The following OR52B4 variants were observed in gnomAD, a reference collection of about 807,000 sequenced individuals.
OR52B4 encodes olfactory receptor 52B4.
For synonymous variants in OR52B4, 182 were observed against 142.3 expected (o/e 1.28, Z -1.98); for missense variants, 450 against 387.0 (o/e 1.16, Z -1.36).
At position 4,367,476 on chromosome 11, in the gene OR52B4, T is replaced by C; in HGVS notation, c.820A>G (p.Ile274Val). ...QRFGRHIPPC[I>V]HIPLANVCIL... ...CAGACATTAGCCAACGGGATGTGGA[T>C]ACAAGGTGGAATGTGGCGTCCAAAC... The change falls in exon 1 of 1, where the codon ATC (isoleucine) becomes GTC (valine). Residue 274 changes from isoleucine to valine, a missense_variant. Ile to Val is a conservative substitution (Grantham distance 29). Coordinates refer to ENST00000624801, the MANE Select transcript of OR52B4 (RefSeq NM_001005161.3). The C allele has an allele frequency of 1.2e-6, 2 of 1,613,992 alleles. No homozygotes were observed. Among genetic ancestry groups the C allele is most frequent in the Non-Finnish European group, 1.7e-6 (2 of 1,179,896 alleles).
At position 4,367,644 on chromosome 11, in the gene OR52B4, TAAA is replaced by T; in HGVS notation, c.649_651del (p.Phe217del). The T allele has an allele frequency of 6.2e-7, 1 of 1,613,900 alleles. No individual in the cohort carries two copies. The highest frequency in any genetic ancestry group is 1.7e-4 in the Middle Eastern group (1 of 6,060). On this transcript the variant is annotated inframe_deletion, in exon 1 of 1. Transcript: ENST00000624801. ...GCATGGAGAATCAGCATATAGGAAA[TAAA>T]AATTAGTACAACATCTAAGACCACC... is the stretch of plus-strand genomic sequence containing the variant.
At position 4,368,086 on chromosome 11, in the gene OR52B4, T is replaced by G. The variant is rs767632850; in HGVS notation, c.210A>C (p.Gly70=). 5 of 1,613,812 alleles carry G rather than the reference T, an allele frequency of 3.1e-6. No individual in the cohort carries two copies. In the Admixed American group the frequency reaches 8.3e-5, roughly 27 times the overall value. Residue 70 remains glycine (G), a synonymous_variant, in exon 1 of 1, where the codon GGA becomes GGC. Coordinates refer to ENST00000624801, the MANE Select transcript of OR52B4 (RefSeq NM_001005161.3). ...TGCACGTGGAGAGGACAATGTCTGC[T>G]CCAGCCAGCATGCAGAGGAAGAGGT... is the stretch of plus-strand genomic sequence containing the variant. ...PMYLFLCMLA[G]ADIVLSTCTI... is the part of the protein sequence containing the mutation.
Position 4,367,383 on chromosome 11 carries a change from C to T in OR52B4, c.913G>A (p.Val305Met), listed in dbSNP as rs377397293. ...TGTTTTATAAACAAAAACTGAACCACCTGTTCCTGGATTTGCTTGGTTTTG... is the reference window on the plus strand; with the variant it reads ...TGTTTTATAAACAAAAACTGAACCATCTGTTCCTGGATTTGCTTGGTTTTG... Reference protein sequence around the residue: ...GIKTKQIQEQVVQFLFIKQK With the variant: ...GIKTKQIQEQMVQFLFIKQK The change falls in exon 1 of 1, where the codon GTG becomes ATG. Residue 305 changes from valine to methionine, a missense_variant. Val to Met is a conservative substitution (Grantham distance 21, BLOSUM62 1). Transcript: ENST00000624801. 32 of 1,607,868 alleles carry T rather than the reference C, an allele frequency of 2.0e-5. No individual in the cohort carries two copies. Among genetic ancestry groups the T allele is most frequent in the Non-Finnish European group, 2.7e-5 (32 of 1,175,554 alleles).
At position 4,367,697 on chromosome 11, in the gene OR52B4, T is replaced by C; in HGVS notation, c.599A>G (p.Tyr200Cys). The change falls in exon 1 of 1, where the codon TAT becomes TGT. Residue 200 changes from tyrosine (Y) to cysteine (C), a missense_variant. Transcript: ENST00000624801. The part of the protein sequence containing the change: ...ACNDIRINIW[Y>C]GFSILMSTVV... ...CGTCGACATTAGAATGGAAAACCCA[T>C]ACCAAATGTTTATTCGAATGTCATT... is the stretch of plus-strand genomic sequence containing the variant. 2 of 1,613,792 alleles carry C rather than the reference T, an allele frequency of 1.2e-6. No homozygotes were observed. The highest frequency in any genetic ancestry group is 1.7e-6 in the Non-Finnish European group (2 of 1,179,730).
rs372696504 is a variant in OR52B4 at position 4,368,255 on chromosome 11, A to G, written c.41T>C (p.Phe14Ser). The G allele has an allele frequency of 5.0e-6, 8 of 1,613,322 alleles. No homozygotes were observed. In the African/African-American group the frequency reaches 1.1e-4, roughly 22 times the overall value. The change falls in exon 1 of 1, where the codon TTC becomes TCC. Residue 14 changes from phenylalanine (F) to serine (S), a missense_variant. Transcript: ENST00000624801. ...TAGGCCAGGGATGCCCAGCAAGTGGAAGACTGTGTGGCTAGTGCCACTGTG... is the reference window on the plus strand; with the variant it reads ...TAGGCCAGGGATGCCCAGCAAGTGGGAGACTGTGTGGCTAGTGCCACTGTG... Reference protein sequence around the residue: ...VNHSGTSHTVFHLLGIPGLQD... With the variant: ...VNHSGTSHTVSHLLGIPGLQD...
At position 4,367,594 on chromosome 11, in the gene OR52B4, A is replaced by G; in HGVS notation, c.702T>C (p.Asp234=). ...ATGTGTTGAGAGCTTTGTGGCAAGCATCTGGAGAAGGCATGTGGAAGACAG... is the reference window on the plus strand; with the variant it reads ...ATGTGTTGAGAGCTTTGTGGCAAGCGTCTGGAGAAGGCATGTGGAAGACAG... ...LHAVFHMPSP[D]ACHKALNTFG... is the part of the protein sequence containing the mutation. The change falls in exon 1 of 1, where the codon GAT becomes GAC. Residue 234 remains aspartate (D), a synonymous_variant. Coordinates refer to ENST00000624801, the MANE Select transcript of OR52B4 (RefSeq NM_001005161.3). 1.2e-6 allele frequency: 2 copies of G among 1,614,100 alleles called. No homozygotes were observed. Among genetic ancestry groups the G allele is most frequent in the Non-Finnish European group, 1.7e-6 (2 of 1,179,992 alleles).
Position 4,368,350 on chromosome 11 carries a change from A to T in OR52B4, c.-55T>A. 1.1e-6 allele frequency: 1 copy of T among 913,316 alleles called. No homozygotes were observed. Among genetic ancestry groups the T allele is most frequent in the Non-Finnish European group, 1.7e-6 (1 of 587,068 alleles). 56.6% of individuals were successfully genotyped at this position (913,316 alleles called of 1,614,324 possible). On this transcript the variant is annotated 5_prime_UTR_variant, in exon 1 of 1. An upstream open reading frame in the 5' UTR gains an earlier in-frame stop. Coordinates refer to ENST00000624801, the MANE Select transcript of OR52B4 (RefSeq NM_001005161.3). ...CCTACTCACAGAGGTAGAAGAAGAT[A>T]AAATCTGCAACATTCTTTGCGATGT... is the stretch of plus-strand genomic sequence containing the variant.
chr11:4,368,149 G>C lies in OR52B4; in HGVS notation c.147C>G (p.Phe49Leu). 2 of 1,611,900 alleles carry C rather than the reference G, an allele frequency of 1.2e-6. No homozygotes were observed. The highest frequency in any genetic ancestry group is 1.7e-6 in the Non-Finnish European group (2 of 1,179,376). ...GGAGGCTGCGCTTTGTGAGGATAAT[G>C]AAGATGAGCAGGCTGTTCCCAAGAA... ...TALLGNSLLI[F>L]IILTKRSLHE... Residue 49 changes from phenylalanine (F) to leucine (L), a missense_variant, in exon 1 of 1, where the codon TTC (phenylalanine) becomes TTG (leucine). Transcript: ENST00000624801.
At position 4,367,719 on chromosome 11, in the gene OR52B4, C is replaced by T. The variant is rs1305618856; in HGVS notation, c.577G>A (p.Asp193Asn). The T allele has an allele frequency of 1.2e-6, 2 of 1,613,574 alleles. No individual in the cohort carries two copies. Among genetic ancestry groups the T allele is most frequent in the African/African-American group, 1.3e-5 (1 of 74,878 alleles). ...HIGLAKYACN[D>N]IRINIWYGFS... is the part of the protein sequence containing the mutation. The stretch of plus-strand genomic sequence containing the variant: ...CCATACCAAATGTTTATTCGAATGT[C>T]ATTACATGCATATTTGGCTAGGCCA... Residue 193 changes from aspartate (D) to asparagine (N), a missense_variant, in exon 1 of 1, where the codon GAC becomes AAC. By Grantham distance (23) the Asp-to-Asn change is conservative (BLOSUM62 1). Coordinates refer to ENST00000624801, the MANE Select transcript of OR52B4 (RefSeq NM_001005161.3).
In OR52B4 at chr11:4,368,270, G is replaced by C. The variant is rs2094937314; in HGVS notation, c.26C>G (p.Thr9Ser). ...CAGCAAGTGGAAGACTGTGTGGCTA[G>C]TGCCACTGTGGTTTACAGTAGGCAT... MPTVNHSGTSHTVFHLLGI... is the reference protein window; with the variant it reads MPTVNHSGSSHTVFHLLGI... Residue 9 changes from threonine (T) to serine (S), a missense_variant, in exon 1 of 1, where the codon ACT becomes AGT. Transcript: ENST00000624801. 6.2e-7 allele frequency: 1 copy of C among 1,610,688 alleles called. No individual in the cohort carries two copies. Among genetic ancestry groups the C allele is most frequent in the Non-Finnish European group, 8.5e-7 (1 of 1,177,554 alleles).
In OR52B4 at chr11:4,368,285, A is replaced by G; in HGVS notation, c.11T>C (p.Val4Ala). The stretch of plus-strand genomic sequence containing the variant: ...TGTGTGGCTAGTGCCACTGTGGTTT[A>G]CAGTAGGCATAGCTGGGGAGAACTT... MPT[V>A]NHSGTSHTVF... The change falls in exon 1 of 1, where the codon GTA (valine) becomes GCA (alanine). Residue 4 changes from valine to alanine, a missense_variant. Transcript: ENST00000624801. 6.2e-7 allele frequency: 1 copy of G among 1,604,086 alleles called. No homozygotes were observed. Among genetic ancestry groups the G allele is most frequent in the Non-Finnish European group, 8.5e-7 (1 of 1,172,376 alleles).
rs779701505 is a variant in OR52B4 at position 4,367,625 on chromosome 11, A to G, written c.671T>C (p.Leu224Pro). Residue 224 changes from leucine to proline, a missense_variant, in exon 1 of 1, where the codon CTC becomes CCC. By Grantham distance (98) the Leu-to-Pro change is moderately conservative (BLOSUM62 -3). Coordinates refer to ENST00000624801, the MANE Select transcript of OR52B4 (RefSeq NM_001005161.3). ...AGAAGGCATGTGGAAGACAGCATGG[A>G]GAATCAGCATATAGGAAATAAAAAT... ...VLIFISYMLI[L>P]HAVFHMPSPD... 56 of 1,613,968 alleles carry G rather than the reference A, an allele frequency of 3.5e-5. No individual in the cohort carries two copies. The highest frequency in any genetic ancestry group is 4.7e-5 in the Non-Finnish European group (56 of 1,179,988).
At position 4,367,779 on chromosome 11, in the gene OR52B4, T is replaced by C. The variant is rs1473538363; in HGVS notation, c.517A>G (p.Asn173Asp). ...CAAAAGGTGTGTGGAATAATATTAT[T>C]CTGGCAGAAAGTCAATCTTTTTAAA... ...FLLKRLTFCQNNIIPHTFCEH... is the reference protein window; with the variant it reads ...FLLKRLTFCQDNIIPHTFCEH... The change falls in exon 1 of 1, where the codon AAT (asparagine) becomes GAT (aspartate). Residue 173 changes from asparagine to aspartate, a missense_variant. Physicochemically the swap from Asn to Asp is conservative, Grantham distance 23 (BLOSUM62 1). Coordinates refer to ENST00000624801, the MANE Select transcript of OR52B4 (RefSeq NM_001005161.3). 6.2e-7 allele frequency: 1 copy of C among 1,613,838 alleles called. No individual in the cohort carries two copies. The highest frequency in any genetic ancestry group is 2.2e-5 in the East Asian group (1 of 44,896).
At position 4,368,127 on chromosome 11, in the gene OR52B4, G is replaced by C; in HGVS notation, c.169C>G (p.Leu57Val). ...AGGAAGAGGTACATGGGTTCATGGA[G>C]GCTGCGCTTTGTGAGGATAATGAAG... ...LIFIILTKRSLHEPMYLFLCM... is the reference protein window; with the variant it reads ...LIFIILTKRSVHEPMYLFLCM... The change falls in exon 1 of 1, where the codon CTC becomes GTC. Residue 57 changes from leucine to valine, a missense_variant. By Grantham distance (32) the Leu-to-Val change is conservative (BLOSUM62 1). Transcript: ENST00000624801. 2 of 1,613,948 alleles carry C rather than the reference G, an allele frequency of 1.2e-6. 1 individual carries two copies. The highest frequency in any genetic ancestry group is 1.7e-6 in the Non-Finnish European group (2 of 1,179,978).
At position 4,367,393 on chromosome 11, in the gene OR52B4, G is replaced by C; in HGVS notation, c.903C>G (p.Ile301Met). The C allele has an allele frequency of 6.2e-7, 1 of 1,609,306 alleles. No homozygotes were observed. The highest frequency in any genetic ancestry group is 8.5e-7 in the Non-Finnish European group (1 of 1,176,660). The change falls in exon 1 of 1, where the codon ATC (isoleucine) becomes ATG (methionine). Residue 301 changes from isoleucine to methionine, a missense_variant. Physicochemically the swap from Ile to Met is conservative, Grantham distance 10 (BLOSUM62 1). Transcript: ENST00000624801. ...PIIYGIKTKQIQEQVVQFLFI... is the reference protein window; with the variant it reads ...PIIYGIKTKQMQEQVVQFLFI... ...ACAAAAACTGAACCACCTGTTCCTG[G>C]ATTTGCTTGGTTTTGATCCCATAAA...
In OR52B4 at chr11:4,367,365, T is replaced by C. The variant is rs1225576150; in HGVS notation, c.931A>G (p.Ile311Val). ...IQEQVVQFLF[I>V]KQK is the part of the protein sequence containing the mutation. ...TTAAACCAAAGTTATTTCTGTTTTA[T>C]AAACAAAAACTGAACCACCTGTTCC... Residue 311 changes from isoleucine (I) to valine (V), a missense_variant, in exon 1 of 1, where the codon ATA becomes GTA. Physicochemically the swap from Ile to Val is conservative, Grantham distance 29. Coordinates refer to ENST00000624801, the MANE Select transcript of OR52B4 (RefSeq NM_001005161.3). 2 of 1,599,644 alleles carry C rather than the reference T, an allele frequency of 1.3e-6. No homozygotes were observed. Among genetic ancestry groups the C allele is most frequent in the African/African-American group, 2.7e-5 (2 of 74,404 alleles).
At position 4,368,033 on chromosome 11, in the gene OR52B4, C is replaced by A. The variant is rs768527409; in HGVS notation, c.263G>T (p.Trp88Leu). ...CAGGGAGATGTCCCCAGCACGGAAC[C>A]AGAAGATAGCTAAGGCCTGAGGAAT... ...CTIPQALAIF[W>L]FRAGDISLDR... The change falls in exon 1 of 1, where the codon TGG (tryptophan) becomes TTG (leucine). Residue 88 changes from tryptophan (W) to leucine (L), a missense_variant. Coordinates refer to ENST00000624801, the MANE Select transcript of OR52B4 (RefSeq NM_001005161.3). 32 of 1,613,992 alleles carry A rather than the reference C, an allele frequency of 2.0e-5. No homozygotes were observed. The highest frequency in any genetic ancestry group is 1.8e-4 in the East Asian group (8 of 44,864).
At position 4,367,547 on chromosome 11, in the gene OR52B4, A is replaced by G. The variant is rs779613142; in HGVS notation, c.749T>C (p.Ile250Thr). 1.9e-6 allele frequency: 3 copies of G among 1,614,062 alleles called. No individual in the cohort carries two copies. The Admixed American group carries it at 5.0e-5, about 27-fold the overall frequency. Residue 250 changes from isoleucine (I) to threonine (T), a missense_variant, in exon 1 of 1, where the codon ATC (isoleucine) becomes ACC (threonine). Ile to Thr is a moderately conservative substitution (Grantham distance 89). Coordinates refer to ENST00000624801, the MANE Select transcript of OR52B4 (RefSeq NM_001005161.3). Reference sequence around the variant, plus strand: ...GATGCCAGACCCATAAAAGAGGATGATGATGCAGACATGGGAGCCAAATGT... The same window carrying G: ...GATGCCAGACCCATAAAAGAGGATGGTGATGCAGACATGGGAGCCAAATGT... ...LNTFGSHVCIIILFYGSGIFT... is the reference protein window; with the variant it reads ...LNTFGSHVCITILFYGSGIFT...
At position 4,367,831 on chromosome 11, in the gene OR52B4, A is replaced by T. The variant is rs2094936635; in HGVS notation, c.465T>A (p.Tyr155Ter). Reference protein sequence around the residue: ...KICVTVSLRSYGTIFPIIFLL... With the variant: ...KICVTVSLRS Reference sequence around the variant, plus strand: ...GAAATATGATAGGGAAAATTGTACCATAACTTCTCAGAGAGACAGTCACAC... The same window carrying T: ...GAAATATGATAGGGAAAATTGTACCTTAACTTCTCAGAGAGACAGTCACAC... Residue 155 changes from tyrosine to a stop codon, truncating the protein, a stop_gained, in exon 1 of 1, where the codon TAT (tyrosine) becomes TAA (stop). Transcript: ENST00000624801. LOFTEE classifies it low-confidence loss of function (END_TRUNC). 6.2e-7 allele frequency: 1 copy of T among 1,613,744 alleles called. No individual in the cohort carries two copies. The highest frequency in any genetic ancestry group is 1.3e-5 in the African/African-American group (1 of 74,926).
Sources: allele counts gnomAD v4.1 joint callset, GRCh38; gene constraint gnomAD v4.1.1; transcripts MANE v1.5; gene names NCBI Gene and HGNC (gene_info 2026-07-23, HGNC 2026-07-21).